SYNJ2: variants seen among roughly 807,000 people sequenced by gnomAD.
The protein encoded by SYNJ2 is polyphosphatidylinositol phosphatase SYNJ2.
SYNJ2 carries 116 observed loss-of-function variants against 141.3 expected under a neutral mutation model. The observed-to-expected ratio is 0.82, with a 90% confidence interval of 0.71 to 0.96. The LOEUF (loss-of-function observed/expected upper bound fraction) is 0.96, where lower values mean the gene tolerates loss of function less well. SYNJ2 is among the 40% of genes least tolerant of loss of function. The pLI, the probability that SYNJ2 is intolerant of heterozygous loss-of-function variation, is 0.00. For missense variants in SYNJ2, 1,873 were observed against 1,934.8 expected (o/e 0.97, Z 0.60); for synonymous variants, 745 against 777.7 (o/e 0.96, Z 0.70).
At chr6:158,061,587 G>A (rs1229746064) in intron 7 of SYNJ2, among the ~76,000 whole-genome samples, 1 of 152,080 alleles carries the variant, frequency 6.6e-6, no homozygotes, top group Non-Finnish European at 1.5e-5. Context: ...ACGGGGAGCT[G>A]GATTATGAGC....
intron 1 of SYNJ2, among the ~76,000 whole-genome samples, chr6:158,013,876 G>A (rs1778357299): frequency 6.6e-6 from 1 of 152,230 alleles, no homozygotes; most frequent in African/African-American, 2.4e-5. Context: ...CAAGAAGGCA[G>A]TGATGTGCCT....
At chr6:158,018,013 C>G (rs1109510) in intron 2 of SYNJ2, among the ~76,000 whole-genome samples, 63,827 of 151,508 alleles carry the variant, frequency 0.42, 13,906 homozygotes, top group African/African-American at 0.52. Flanking sequence ...GGCAGATGCC[C>G]GGGGGCACAG....
chr6:158,036,151 T>C (rs775854113), intron 4 of SYNJ2, among the ~76,000 whole-genome samples: 1 of 152,132 alleles, frequency 6.6e-6, no homozygotes, highest in South Asian at 2.1e-4. Context: ...TTGACTTGCG[T>C]GAATATTATT....
At chr6:158,080,492 A>AC (rs1307601736) in intron 18 of SYNJ2, among the ~76,000 whole-genome samples, 1 of 150,146 alleles carries the variant, frequency 6.7e-6, no homozygotes, top group African/African-American at 2.4e-5. Flanking sequence ...AAAAAAAAAA[A>AC]AAAACGAGCA....
intron 16 of SYNJ2, among the ~76,000 whole-genome samples, chr6:158,076,136 C>T (rs758573561): frequency 2.0e-5 from 3 of 152,142 alleles, no homozygotes; most frequent in Non-Finnish European, 2.9e-5. Flanking sequence ...TGTAGGGAGC[C>T]GTGATTGCAC....
At chr6:158,083,066 G>A (rs1782802470) in intron 20 of SYNJ2, among the ~76,000 whole-genome samples, 1 of 148,756 alleles carries the variant, frequency 6.7e-6, no homozygotes, top group South Asian at 2.1e-4. Context: ...CCGAGTAGCT[G>A]GGACTACAGG....
chr6:157,990,738 A>C (rs1338338186), intron 1 of SYNJ2, among the ~76,000 whole-genome samples: 1 of 152,218 alleles, frequency 6.6e-6, no homozygotes, highest in Non-Finnish European at 1.5e-5. Flanking sequence ...TGTGAATGCT[A>C]AGGCGAGGGG....
intron 1 of SYNJ2, among the ~76,000 whole-genome samples, chr6:157,989,376 G>C (rs991059671): frequency 8.9e-5 from 13 of 145,932 alleles, no homozygotes; most frequent in African/African-American, 2.8e-4. Flanking sequence ...CCAGTGGAAG[G>C]CTCCAGAGAA....
At chr6:158,022,273 T>C (rs1480953881) in intron 2 of SYNJ2, among the ~76,000 whole-genome samples, 1 of 152,046 alleles carries the variant, frequency 6.6e-6, no homozygotes, top group Non-Finnish European at 1.5e-5. Flanking sequence ...AGGGTTGGGA[T>C]TGGCACAGAC....
intron 5 of SYNJ2, among the ~76,000 whole-genome samples, chr6:158,050,978 T>C (rs1371150488): frequency 6.6e-6 from 1 of 152,026 alleles, no homozygotes; most frequent in African/African-American, 2.4e-5. Context: ...AGGAATGGAC[T>C]GCTGACTGAT....
chr6:158,084,273 G>A lies in SYNJ2; in HGVS notation c.3208+99G>A. ...GCGATTGGGCACTGTGTGATATCAAGTATGCAGGTCCCAGGAGAGACCTCA... is the reference window on the plus strand; with the variant it reads ...GCGATTGGGCACTGTGTGATATCAAATATGCAGGTCCCAGGAGAGACCTCA... On this transcript the variant is annotated intron_variant, in intron 22 of 26. Transcript: ENST00000355585. The surrounding 1 kb of genome is among the most constrained non-coding windows in gnomAD (Gnocchi z 5.0). 7.3e-7 allele frequency: 1 copy of A among 1,371,562 alleles called. No homozygotes were observed. Among genetic ancestry groups the A allele is most frequent in the Non-Finnish European group, 1.0e-6 (1 of 1,004,524 alleles). 85.0% of individuals were successfully genotyped at this position (1,371,562 alleles called of 1,614,324 possible).
At chr6:158,015,088 T>C (rs1335743091) in intron 1 of SYNJ2, among the ~76,000 whole-genome samples, 14 of 152,308 alleles carry the variant, frequency 9.2e-5, no homozygotes. Context: ...CTGCTTCAAA[T>C]GTTCATCCAA....
intron 25 of SYNJ2, among the ~76,000 whole-genome samples, 160 bp from the exon 26 acceptor site, chr6:158,092,766 A>G (rs367677573): frequency 2.0e-5 from 3 of 152,156 alleles, no homozygotes; most frequent in South Asian, 4.1e-4. Context: ...GCCCATCTTA[A>G]AAAAGAAAAA....
At chr6:158,059,207 C>A in intron 6 of SYNJ2, 50 bp from the exon 7 acceptor site, 1 of 1,491,516 alleles carries the variant, frequency 6.7e-7, no homozygotes, top group South Asian at 1.4e-5. Context: ...AGGGCAGAGT[C>A]TGCACCTGTG....
intron 1 of SYNJ2, among the ~76,000 whole-genome samples, chr6:157,996,923 T>C (rs1187068065): frequency 6.6e-6 from 1 of 152,164 alleles, no homozygotes; most frequent in African/African-American, 2.4e-5. Context: ...CTCTTTTCTT[T>C]ATAAATTACC....
chr6:158,026,475 C>G (rs1779054238), intron 2 of SYNJ2, among the ~76,000 whole-genome samples: 1 of 152,148 alleles, frequency 6.6e-6, no homozygotes, highest in Admixed American at 6.5e-5. Flanking sequence ...ACTGCGCTCA[C>G]CAGATACCGG....
intron 12 of SYNJ2, chr6:158,067,447 T>A: frequency 1.0e-6 from 1 of 985,350 alleles, no homozygotes; most frequent in Non-Finnish European, 1.2e-6. Flanking sequence ...ATTCCAAATG[T>A]TGACACCTCA....
rs753945291 is a variant in SYNJ2, at chr6:158,096,068, G to T, written c.4195G>T (p.Ala1399Ser). The T allele has an allele frequency of 6.2e-7, 1 of 1,614,246 alleles. No individual in the cohort carries two copies. The highest frequency in any genetic ancestry group is 2.2e-5 in the East Asian group (1 of 44,890). The stretch of plus-strand genomic sequence containing the variant: ...AAGCCCCGACAGCGATGGCACCAAA[G>T]CGATGAAGCCAGAGGCAGCCCCACT... ...ATSPDSDGTK[A>S]MKPEAAPLLG... The change falls in exon 27 of 27, where the codon GCG (alanine) becomes TCG (serine). Residue 1399 changes from alanine to serine, a missense_variant. Physicochemically the swap from Ala to Ser is moderately conservative, Grantham distance 99. Coordinates refer to ENST00000355585, the MANE Select transcript of SYNJ2 (RefSeq NM_003898.4).
chr6:158,074,995 A>G (rs916393209), intron 16 of SYNJ2, among the ~76,000 whole-genome samples: 1 of 121,538 alleles, frequency 8.2e-6, no homozygotes, highest in African/African-American at 3.3e-5. Context: ...CAGTGGCACT[A>G]TCTTGGCTCA....
Sources: allele counts gnomAD v4.1 joint callset (sites outside exome capture counted in the v4.1 genomes callset), GRCh38; gene constraint gnomAD v4.1.1; non-coding constraint Gnocchi (gnomAD v3.1); transcripts MANE v1.5; gene names NCBI Gene and HGNC (gene_info 2026-07-23, HGNC 2026-07-21).